The following DIS3L2 variants were observed in gnomAD, a reference collection of about 807,000 sequenced individuals.
DIS3L2 encodes DIS3-like exonuclease 2.
DIS3L2 carries 34 observed loss-of-function variants against 97.5 expected under a neutral mutation model. That is an observed-to-expected ratio of 0.35 (90% confidence interval 0.27 to 0.46). The LOEUF (loss-of-function observed/expected upper bound fraction) is 0.46. Ranked by LOEUF, DIS3L2 falls within the 20% of genes least tolerant of loss-of-function variation. DIS3L2 has a pLI of 1.00. For synonymous variants in DIS3L2, 435 were observed against 445.2 expected (o/e 0.98, Z 0.29); for missense variants, 1,038 against 1,146.0 (o/e 0.91, Z 1.36).
intron 6 of DIS3L2, among the ~76,000 whole-genome samples, chr2:232,091,977 A>G (rs140518936): frequency 0.021 from 3,216 of 152,250 alleles, 115 homozygotes; most frequent in African/African-American, 0.072. Flanking sequence ...GCCCAGTCCA[A>G]TGTCCTGGAG....
At chr2:232,072,787 T>G (rs774214114) in intron 5 of DIS3L2, among the ~76,000 whole-genome samples, 89 of 141,616 alleles carry the variant, frequency 6.3e-4, no homozygotes, top group South Asian at 1.1e-3. Flanking sequence ...ATGTGGGGTG[T>G]GTGTGTGTGT....
At chr2:232,229,721 G>A (rs1015539506) in intron 10 of DIS3L2, among the ~76,000 whole-genome samples, 2 of 152,186 alleles carry the variant, frequency 1.3e-5, no homozygotes, top group Non-Finnish European at 2.9e-5. Flanking sequence ...AAAAATTGCT[G>A]TGTGGGCAGT....
chr2:232,119,987 A>G (rs1697846610), intron 6 of DIS3L2, among the ~76,000 whole-genome samples: 1 of 152,116 alleles, frequency 6.6e-6, no homozygotes, highest in Non-Finnish European at 1.5e-5. Flanking sequence ...TATTCATCTT[A>G]CGCTCTAATA....
At chr2:232,077,590 C>A (rs1008552378) in intron 5 of DIS3L2, among the ~76,000 whole-genome samples, 13 of 152,252 alleles carry the variant, frequency 8.5e-5, no homozygotes, top group Middle Eastern at 6.8e-3. Context: ...TGGAAAAAGA[C>A]TGAGAGTGAA....
Position 232,343,511 on chromosome 2 carries a change from T to C in DIS3L2, c.1748T>C (p.Val583Ala), listed in dbSNP as rs764100667. ...TTTTTCCTTCAGCAACAGAGCCGTG[T>C]ATTGGAAGCAAAGCCCCAAAACACG... is the stretch of plus-strand genomic sequence containing the variant. The change falls in exon 14 of 14, where the codon GTA becomes GCA. Residue 583 changes from valine (V) to alanine (A), a missense_variant. Coordinates refer to the DIS3L2 transcript ENST00000273009. 13 of 1,558,378 alleles carry C rather than the reference T, an allele frequency of 8.3e-6. No homozygotes were observed. In the African/African-American group the frequency reaches 1.4e-4, roughly 16 times the overall value.
rs1388015348 is a variant in DIS3L2, at chr2:232,333,247, C to G, written c.2011-593C>G. 4.4e-4 allele frequency among the ~76,000 whole-genome samples: 57 copies of G among 128,676 alleles called. 1 individual carries two copies. In the East Asian group the frequency reaches 0.013, roughly 28 times the overall value. The allele number at this position is 128,676 out of a possible 152,430, so 84.4% of individuals were successfully genotyped here. On this transcript the variant is annotated intron_variant, in intron 16 of 20. Transcript: ENST00000325385. Reference sequence around the variant, plus strand: ...CTGTCGCCTCCTCCTCCTCCTCCTCCTCCTCCTCCGCTGTCGCCTCCTCCT... The same window carrying G: ...CTGTCGCCTCCTCCTCCTCCTCCTCGTCCTCCTCCGCTGTCGCCTCCTCCT...
intron 1 of DIS3L2, among the ~76,000 whole-genome samples, chr2:231,990,571 T>G (rs1013075742): frequency 2.6e-5 from 4 of 152,202 alleles, no homozygotes; most frequent in African/African-American, 9.7e-5. Flanking sequence ...ACATGAGAAA[T>G]CAAGCTATTT....
rs1188984779 is a variant in DIS3L2, at chr2:232,000,670, CTCTTTCTCTCTTTCTG to C, written c.-93-14149_-93-14134del. Among the ~76,000 whole-genome samples the C allele has an allele frequency of 2.1e-3, 63 of 29,652 alleles. 1 individual carries two copies. The highest frequency in any genetic ancestry group is 0.013 in the Middle Eastern group (1 of 78). 19.5% of individuals were successfully genotyped at this position (29,652 alleles called of 152,430 possible). ...TTCCTTTCCTTTCCTTTCTCTTTCTCTCTTTCTCTCTTTCTGTCTTTCTCTCTTTCTTTCCTTCTTT... is the reference window on the plus strand; with the variant it reads ...TTCCTTTCCTTTCCTTTCTCTTTCTCTCTTTCTCTCTTTCTTTCCTTCTTT... On this transcript the variant is annotated intron_variant, in intron 1 of 20. Transcript: ENST00000325385.
chr2:232,082,908 C>T (rs368120672), intron 5 of DIS3L2, among the ~76,000 whole-genome samples: 12 of 152,164 alleles, frequency 7.9e-5, no homozygotes, highest in African/African-American at 2.2e-4. Context: ...CACATTTCCA[C>T]GTGGCTGGGG....
intron 7 of DIS3L2, 135 bp downstream of exon 7, chr2:232,130,854 T>G: frequency 7.7e-7 from 1 of 1,291,870 alleles, no homozygotes; most frequent in South Asian, 2.2e-5. Flanking sequence ...TCATAAAAAG[T>G]GAATTAAAAA....
At chr2:232,307,306 A>T (rs1370286340) in intron 14 of DIS3L2, among the ~76,000 whole-genome samples, 1 of 152,240 alleles carries the variant, frequency 6.6e-6, no homozygotes, top group African/African-American at 2.4e-5. Flanking sequence ...GGGAGGGAGC[A>T]TGGCTACTGA....
intron 9 of DIS3L2, among the ~76,000 whole-genome samples, chr2:232,187,373 G>A (rs1691470224): frequency 6.6e-6 from 1 of 152,106 alleles, no homozygotes; most frequent in African/African-American, 2.4e-5. Context: ...TAAACATAGA[G>A]TTACCATATG....
chr2:232,339,312 C>G (rs57761349), downstream of DIS3L2, among the ~76,000 whole-genome samples: 12,184 of 152,276 alleles, frequency 0.08, 543 homozygotes, highest in African/African-American at 0.12. Flanking sequence ...GGCGAGGCCT[C>G]TGCAGAAGCA....
intron 6 of DIS3L2, among the ~76,000 whole-genome samples, chr2:232,127,336 T>C (rs951520576): frequency 6.6e-6 from 1 of 152,236 alleles, no homozygotes; most frequent in Non-Finnish European, 1.5e-5. Flanking sequence ...CCATAAGTGA[T>C]GCCACTATCA....
intron 16 of DIS3L2, among the ~76,000 whole-genome samples, chr2:232,333,123 GACC>G (rs1334836509): frequency 3.6e-5 from 5 of 140,550 alleles, no homozygotes; most frequent in Middle Eastern, 3.8e-3. Flanking sequence ...TGTCCTCCTC[GACC>G]ACCACCACCT....
At chr2:232,090,681 T>C (rs1696810261) in intron 6 of DIS3L2, among the ~76,000 whole-genome samples, 3 of 152,250 alleles carry the variant, frequency 2.0e-5, no homozygotes, top group Non-Finnish European at 4.4e-5. Flanking sequence ...CTAAGACTTC[T>C]AGAAAGGTTC....
chr2:232,334,104 G>A (rs879219182), intron 17 of DIS3L2, 117 bp downstream of exon 17: 13 of 1,450,066 alleles, frequency 9.0e-6, no homozygotes, highest in East Asian at 7.3e-5. Flanking sequence ...TCCAAGGGTC[G>A]GGCGACCCAA....
downstream of DIS3L2, among the ~76,000 whole-genome samples, chr2:232,338,953 G>A (rs1342192749): frequency 1.3e-5 from 2 of 152,274 alleles, no homozygotes; most frequent in African/African-American, 4.8e-5. Flanking sequence ...ACACCGTGGG[G>A]GAGGGAGGGA....
chr2:232,124,441 G>GGT (rs1353145268), intron 6 of DIS3L2, among the ~76,000 whole-genome samples: 1 of 152,116 alleles, frequency 6.6e-6, no homozygotes, highest in African/African-American at 2.4e-5. Flanking sequence ...TAAATATTTT[G>GGT]AAGAGAAAAA....
Sources: allele counts gnomAD v4.1 joint callset (sites outside exome capture counted in the v4.1 genomes callset), GRCh38; gene constraint gnomAD v4.1.1; transcripts MANE v1.5; gene names NCBI Gene and HGNC (gene_info 2026-07-23, HGNC 2026-07-21).